The following TDRD3 variants were observed in gnomAD, a reference collection of about 807,000 sequenced individuals.
The protein encoded by TDRD3 is tudor domain-containing protein 3.
A neutral mutation model predicts 86.7 loss-of-function variants in TDRD3; 45 were observed. The observed-to-expected ratio is 0.52, with a 90% CI of 0.41 to 0.67. TDRD3 has a LOEUF of 0.67. Among genes scored for constraint, TDRD3 ranks in the 30% least tolerant of loss-of-function variants. The pLI is 0.00. For synonymous variants in TDRD3, 298 were observed against 301.7 expected, an observed-to-expected ratio of 0.99 and a Z score of 0.13; for missense variants, 814 against 889.0, an observed-to-expected ratio of 0.92 and a Z score of 1.07.
At chr13:60,485,026 A>G (rs139499753) in intron 6 of TDRD3, among the ~76,000 whole-genome samples, 1 of 152,238 alleles carries the variant, frequency 6.6e-6, no homozygotes, top group East Asian at 1.9e-4. Context: ...AAATTCTTGT[A>G]TAGCATCTTG....
intron 12 of TDRD3, chr13:60,535,903 C>G (rs888541551): frequency 2.6e-5 from 4 of 152,094 alleles, no homozygotes; most frequent in African/African-American, 4.8e-5. Flanking sequence ...AACAGGAATA[C>G]AAGACATATT....
chr13:60,398,962 T>A (rs1016430727), intron 1 of TDRD3, among the ~76,000 whole-genome samples: 1 of 152,220 alleles, frequency 6.6e-6, no homozygotes. Flanking sequence ...TCCTTCACAC[T>A]AGTAATATTT....
chr13:60,527,336 G>A (rs1957464752), intron 10 of TDRD3, among the ~76,000 whole-genome samples: 1 of 152,146 alleles, frequency 6.6e-6, no homozygotes, highest in Non-Finnish European at 1.5e-5. Context: ...CATATCTGTA[G>A]GCCAATGAAG....
intron 12 of TDRD3, among the ~76,000 whole-genome samples, chr13:60,561,784 T>C (rs1016007511): frequency 1.2e-4 from 18 of 152,150 alleles, no homozygotes; most frequent in Non-Finnish European, 2.6e-4. Flanking sequence ...AGTGATAGCC[T>C]CTTAGTTTGA....
intron 1 of TDRD3, among the ~76,000 whole-genome samples, chr13:60,405,805 C>T (rs1393768892): frequency 2.0e-5 from 3 of 152,152 alleles, no homozygotes; most frequent in Non-Finnish European, 4.4e-5. Flanking sequence ...GGAATAACAT[C>T]ATGGTTTTGA....
chr13:60,443,928 C>T (rs1256992825), intron 2 of TDRD3, among the ~76,000 whole-genome samples: 4 of 151,920 alleles, frequency 2.6e-5, no homozygotes, highest in Non-Finnish European at 5.9e-5. Flanking sequence ...GTGAACAAAT[C>T]TCTTACCATT....
intron 1 of TDRD3, among the ~76,000 whole-genome samples, chr13:60,413,378 A>C (rs1043024105): frequency 7.9e-5 from 12 of 152,158 alleles, no homozygotes; most frequent in African/African-American, 2.9e-4. Context: ...TGGGCTCTTG[A>C]AGACCAATTC....
At chr13:60,450,437 G>A (rs1433368279) in intron 3 of TDRD3, among the ~76,000 whole-genome samples, 2 of 152,080 alleles carry the variant, frequency 1.3e-5, no homozygotes, top group African/African-American at 2.4e-5. Context: ...ATTCTAATTT[G>A]CCTCTTACTG....
chr13:60,466,574 G>T (rs1340631205), intron 4 of TDRD3, among the ~76,000 whole-genome samples: 16 of 152,028 alleles, frequency 1.1e-4, no homozygotes, highest in Non-Finnish European at 2.4e-4. Flanking sequence ...GATCACCTGA[G>T]GTCATGAGTT....
At chr13:60,562,813 T>C (rs1260618709) in intron 12 of TDRD3, among the ~76,000 whole-genome samples, 2 of 152,178 alleles carry the variant, frequency 1.3e-5, no homozygotes. Flanking sequence ...TCTAAGTTTT[T>C]ATTTTTTTTT....
At chr13:60,546,471 TA>T (rs1800729734) in intron 12 of TDRD3, among the ~76,000 whole-genome samples, 1 of 152,084 alleles carries the variant, frequency 6.6e-6, no homozygotes, top group African/African-American at 2.4e-5. Flanking sequence ...AAGCCTACAT[TA>T]AAAAATTTTA....
intron 2 of TDRD3, among the ~76,000 whole-genome samples, chr13:60,441,597 A>T (rs1955275279): frequency 1.3e-5 from 2 of 152,056 alleles, no homozygotes; most frequent in South Asian, 2.1e-4. Flanking sequence ...ATTCTGTTGA[A>T]TTTTTTTCAA....
chr13:60,498,273 G>A (rs959275269), intron 8 of TDRD3, among the ~76,000 whole-genome samples: 7 of 152,146 alleles, frequency 4.6e-5, no homozygotes, highest in African/African-American at 1.7e-4. Flanking sequence ...GCTCTTCTCT[G>A]TATGTCAGAG....
intron 2 of TDRD3, among the ~76,000 whole-genome samples, chr13:60,440,563 T>C (rs1566192950): frequency 6.6e-6 from 1 of 151,938 alleles, no homozygotes; most frequent in African/African-American, 2.4e-5. Flanking sequence ...TGCCTGTAGT[T>C]CCAGCTACTC....
In TDRD3 at chr13:60,509,806, G is replaced by A; in HGVS notation, c.902G>A (p.Ser301Asn). 2 of 1,613,872 alleles carry A rather than the reference G, an allele frequency of 1.2e-6. No homozygotes were observed. The highest frequency in any genetic ancestry group is 1.7e-6 in the Non-Finnish European group (2 of 1,179,768). ...AAGCACATAACGGAAATGGGCTTCA[G>A]TAAGGAAGCATCGAGGCAAGCTCTT... The part of the protein sequence containing the change: ...ALKHITEMGF[S>N]KEASRQALMD... The change falls in exon 9 of 14, where the codon AGT (serine) becomes AAT (asparagine). Residue 301 changes from serine to asparagine, a missense_variant. Ser to Asn is a conservative substitution (Grantham distance 46). Coordinates refer to ENST00000377881, the MANE Select transcript of TDRD3 (RefSeq NM_001146070.2).
At chr13:60,449,540 A>G (rs1230858975) in intron 3 of TDRD3, among the ~76,000 whole-genome samples, 2 of 152,122 alleles carry the variant, frequency 1.3e-5, no homozygotes, top group African/African-American at 2.4e-5. Flanking sequence ...AGTCCCACAT[A>G]CTTTCCTTGT....
At chr13:60,515,111 A>G (rs1957141592) in intron 10 of TDRD3, among the ~76,000 whole-genome samples, 1 of 152,230 alleles carries the variant, frequency 6.6e-6, no homozygotes, top group African/African-American at 2.4e-5. Flanking sequence ...TACTTAATGT[A>G]AAACAAAACA....
intron 1 of TDRD3, among the ~76,000 whole-genome samples, chr13:60,433,237 GA>G (rs1954998621): frequency 6.6e-6 from 1 of 152,136 alleles, no homozygotes; most frequent in South Asian, 2.1e-4. Context: ...GGGTAAAAGA[GA>G]ATAAAACTTT....
chr13:60,418,501 C>A (rs1430945010), intron 1 of TDRD3, among the ~76,000 whole-genome samples: 1 of 152,058 alleles, frequency 6.6e-6, no homozygotes, highest in Non-Finnish European at 1.5e-5. Context: ...TCTTTGAATT[C>A]TTGGGACTAG....
Sources: allele counts gnomAD v4.1 joint callset (sites outside exome capture counted in the v4.1 genomes callset), GRCh38; gene constraint gnomAD v4.1.1; transcripts MANE v1.5; gene names NCBI Gene and HGNC (gene_info 2026-07-23, HGNC 2026-07-21).